The following LIPH variants were observed in gnomAD, a reference collection of about 807,000 sequenced individuals.
The protein encoded by LIPH is lipase member H.
In LIPH, 32 loss-of-function variants were observed where a neutral mutation model predicts 47.6. That is an observed-to-expected ratio of 0.67 (90% CI 0.51 to 0.90). LIPH has a LOEUF of 0.90. LIPH is among the 40% of genes least tolerant of loss of function. LIPH has a pLI of 0.00. For missense variants in LIPH, 497 were observed against 541.4 expected (o/e 0.92, Z 0.81); for synonymous variants, 190 against 195.6 (o/e 0.97, Z 0.24).
chr3:185,529,968 A>G (rs866164157), intron 3 of LIPH, among the ~76,000 whole-genome samples: 1,072 of 57,000 alleles, frequency 0.019, 24 homozygotes, highest in African/African-American at 0.052. Flanking sequence ...GAAAGAAGGA[A>G]AGAAAGAAAG....
At chr3:185,540,961 A>G (rs571588534) in intron 1 of LIPH, among the ~76,000 whole-genome samples, 8 of 152,336 alleles carry the variant, frequency 5.3e-5, no homozygotes, top group Non-Finnish European at 7.3e-5. Context: ...GATCTTTGTC[A>G]GAACAGCTCT....
chr3:185,506,849 A>C lies in LIPH; in HGVS notation c.*1941T>G, dbSNP rs1428900792. 1 of 150,328 alleles carries C rather than the reference A, an allele frequency of 6.7e-6. No homozygotes were observed. The highest frequency in any genetic ancestry group is 2.5e-5 in the African/African-American group (1 of 40,740). The allele number at this position is 150,328 out of a possible 1,614,324, so 9.3% of individuals were successfully genotyped here. Reference sequence around the variant, plus strand: ...TCCATCTAAAAAAAAAAAAAAAAAAAAAAAAAAAAAACCAGGGCCTACAGC... The same window carrying C: ...TCCATCTAAAAAAAAAAAAAAAAAACAAAAAAAAAAACCAGGGCCTACAGC... On this transcript the variant is annotated 3_prime_UTR_variant, in exon 10 of 10. Transcript: ENST00000296252.
rs368250908 is a variant in LIPH at position 185,519,337 on chromosome 3, G to T, written c.719-28C>A. On this transcript the variant is annotated intron_variant, in intron 5 of 9. Transcript: ENST00000296252. The stretch of plus-strand genomic sequence containing the variant: ...TGGTTGTAAAAGAAGTGATGAAAGA[G>T]TAGAGCGGTTGAAGCATTTAGTAAT... 3.0e-5 allele frequency: 46 copies of T among 1,535,430 alleles called. 1 individual carries two copies. In the South Asian group the frequency reaches 4.8e-4, roughly 16 times the overall value.
chr3:185,527,735 C>T, intron 3 of LIPH, 150 bp from the exon 4 acceptor site: 1 of 674,674 alleles, frequency 1.5e-6, no homozygotes, highest in Non-Finnish European at 2.7e-6. Context: ...GGCCAGGACT[C>T]CTTTCCATGG....
In LIPH at chr3:185,514,462, T is replaced by C. The variant is rs753651858; in HGVS notation, c.1042A>G (p.Thr348Ala). ...WNKNVRRGDI[T>A]IKLRDKAGNT... ...CCAGCTTTGTCTCTCAATTTGATGG[T>C]AATGTCCCCTCTTCTTACATTCTTG... Residue 348 changes from threonine to alanine, a missense_variant, in exon 8 of 10, where the codon ACC (threonine) becomes GCC (alanine). By Grantham distance (58) the Thr-to-Ala change is moderately conservative. Coordinates refer to ENST00000296252, the MANE Select transcript of LIPH (RefSeq NM_139248.3). The C allele has an allele frequency of 3.1e-6, 5 of 1,588,530 alleles. No homozygotes were observed. In the Admixed American group the frequency reaches 5.0e-5, roughly 16 times the overall value.
intron 1 of LIPH, among the ~76,000 whole-genome samples, chr3:185,535,503 C>G (rs1720477664): frequency 6.6e-6 from 1 of 152,046 alleles, no homozygotes. Flanking sequence ...ATCTCAAACT[C>G]TTTTGACCTC....
intron 1 of LIPH, among the ~76,000 whole-genome samples, chr3:185,537,450 T>A (rs557649152): frequency 1.1e-4 from 16 of 152,242 alleles, no homozygotes; most frequent in Non-Finnish European, 2.2e-4. Context: ...ATTTTCTCCA[T>A]CCCTTGGCCT....
intron 3 of LIPH, among the ~76,000 whole-genome samples, chr3:185,529,985 A>AGG (rs1250821057): frequency 2.7e-5 from 4 of 150,420 alleles, no homozygotes; most frequent in African/African-American, 9.9e-5. Flanking sequence ...AAAGAGAGAG[A>AGG]GAGAGAAAAT....
At chr3:185,509,150 G>A (rs368172131) in intron 9 of LIPH, among the ~76,000 whole-genome samples, 9 of 151,760 alleles carry the variant, frequency 5.9e-5, no homozygotes, top group African/African-American at 2.2e-4. Context: ...AATTAGCTGG[G>A]TGTGGTAGTG....
chr3:185,548,908 G>T (rs1272291771), intron 1 of LIPH, among the ~76,000 whole-genome samples: 1 of 151,860 alleles, frequency 6.6e-6, no homozygotes, highest in African/African-American at 2.4e-5. Context: ...CCGAGGCAGG[G>T]GGATCACGAG....
At chr3:185,549,311 G>T (rs1720983197) in intron 1 of LIPH, among the ~76,000 whole-genome samples, 1 of 151,956 alleles carries the variant, frequency 6.6e-6, no homozygotes, top group African/African-American at 2.4e-5. Context: ...TCTCATTTCT[G>T]AATCATGTGC....
intron 3 of LIPH, among the ~76,000 whole-genome samples, chr3:185,528,800 AC>A (rs1386635446): frequency 6.6e-6 from 1 of 152,126 alleles, no homozygotes; most frequent in African/African-American, 2.4e-5. Flanking sequence ...CCTCACTATC[AC>A]TACGAAGCAG....
At chr3:185,547,551 C>T (rs1314023338) in intron 1 of LIPH, among the ~76,000 whole-genome samples, 4 of 152,212 alleles carry the variant, frequency 2.6e-5, no homozygotes, top group South Asian at 4.1e-4. Flanking sequence ...CGGTGGCTCA[C>T]GCCTGTAATC....
intron 5 of LIPH, among the ~76,000 whole-genome samples, chr3:185,523,632 C>G (rs183075997): frequency 1.6e-4 from 24 of 152,266 alleles, no homozygotes; most frequent in Admixed American, 1.5e-3. Flanking sequence ...GTCTTGAACT[C>G]CTGGGCTCAA....
intron 5 of LIPH, among the ~76,000 whole-genome samples, chr3:185,522,652 A>AGAAAG (rs1338775086): frequency 7.1e-5 from 1 of 14,006 alleles, no homozygotes; most frequent in Non-Finnish European, 1.3e-4. Context: ...GAGAAAGAAA[A>AGAAAG]AGAAAGAAAG....
intron 1 of LIPH, among the ~76,000 whole-genome samples, chr3:185,539,979 T>C (rs1720650143): frequency 6.6e-6 from 1 of 152,222 alleles, no homozygotes; most frequent in Non-Finnish European, 1.5e-5. Flanking sequence ...CACTCTCTAA[T>C]TGGAAACTTT....
chr3:185,520,387 C>T (rs755360213), intron 5 of LIPH, among the ~76,000 whole-genome samples: 75 of 151,642 alleles, frequency 4.9e-4, no homozygotes, highest in South Asian at 4.2e-4. Flanking sequence ...GGCATGGTGG[C>T]GCGCCTGTAA....
chr3:185,529,623 G>T (rs1720247598), intron 3 of LIPH, among the ~76,000 whole-genome samples: 1 of 151,158 alleles, frequency 6.6e-6, no homozygotes, highest in Admixed American at 6.6e-5. Context: ...GGTCGCAGTG[G>T]CTTACATCTA....
At chr3:185,529,767 G>A (rs1156348401) in intron 3 of LIPH, among the ~76,000 whole-genome samples, 1 of 151,348 alleles carries the variant, frequency 6.6e-6, no homozygotes, top group Non-Finnish European at 1.5e-5. Context: ...GCTCATGCTT[G>A]TAATCTTAGC....
Sources: allele counts gnomAD v4.1 joint callset (sites outside exome capture counted in the v4.1 genomes callset), GRCh38; gene constraint gnomAD v4.1.1; transcripts MANE v1.5; gene names NCBI Gene and HGNC (gene_info 2026-07-23, HGNC 2026-07-21).